The following KCNH1 variants were observed in gnomAD, a reference collection of about 807,000 sequenced individuals.
KCNH1 encodes the protein potassium voltage-gated channel subfamily H member 1, also known as voltage-gated delayed rectifier potassium channel KCNH1.
Under a neutral mutation model 69.2 loss-of-function variants are expected in KCNH1, and 27 were observed. The ratio of observed to expected loss-of-function variants is 0.39; its 90% CI spans 0.29 to 0.54. The LOEUF is 0.54. Ranked by LOEUF, KCNH1 falls within the 20% of genes least tolerant of loss-of-function variation. The pLI is 0.68. For missense variants in KCNH1, 798 were observed against 1,261.6 expected (o/e 0.63, Z 5.57); for synonymous variants, 456 against 487.7 (o/e 0.93, Z 0.86).
At chr1:210,815,799 T>A (rs947258568) in intron 7 of KCNH1, among the ~76,000 whole-genome samples, 10 of 152,152 alleles carry the variant, frequency 6.6e-5, no homozygotes, top group Non-Finnish European at 1.5e-4. Flanking sequence ...CTGGGGCGCT[T>A]TTGGCCTAGT....
At position 210,749,830 on chromosome 1, in the gene KCNH1, C is replaced by A. The variant is rs545901602; in HGVS notation, c.2112+25518G>T. ...TGATCTCATCTCATTGCGGCCTCCT[C>A]CTCCCAGGTTCAAGTGATTCTCATG... On this transcript the variant is annotated intron_variant, in intron 10 of 10. Coordinates refer to ENST00000271751, the MANE Select transcript of KCNH1 (RefSeq NM_172362.3). Among the ~76,000 whole-genome samples, 8 of 151,120 alleles carry A rather than the reference C, an allele frequency of 5.3e-5. No homozygotes were observed. The East Asian group carries it at 1.6e-3, about 29-fold the overall frequency.
Position 210,718,649 on chromosome 1 carries a change from TATACACACACACAC to T in KCNH1, c.2113-34525_2113-34512del, listed in dbSNP as rs1194246669. Among the ~76,000 whole-genome samples the T allele has an allele frequency of 7.5e-4, 54 of 72,328 alleles. 5 individuals are homozygous for T. In the South Asian group the frequency reaches 0.011, roughly 15 times the overall value. 47.4% of individuals were successfully genotyped at this position (72,328 alleles called of 152,430 possible). The stretch of plus-strand genomic sequence containing the variant: ...GTATAAATATATATATACATATATA[TATACACACACACAC>T]ACACACACACACACACACACACACA... On this transcript the variant is annotated intron_variant, in intron 10 of 10. Coordinates refer to ENST00000271751, the MANE Select transcript of KCNH1 (RefSeq NM_172362.3).
At chr1:210,778,530 C>CAA (rs10679033) in intron 9 of KCNH1, among the ~76,000 whole-genome samples, 39,456 of 122,010 alleles carry the variant, frequency 0.32, 6,347 homozygotes, top group Non-Finnish European at 0.36. Flanking sequence ...GACTCTGTCT[C>CAA]AAAAAAAAAA....
intron 8 of KCNH1, among the ~76,000 whole-genome samples, chr1:210,798,524 G>C (rs144933352): frequency 6.6e-6 from 1 of 152,236 alleles, no homozygotes; most frequent in South Asian, 2.1e-4. Context: ...ACTTTTAGGT[G>C]TAATAAGCCT....
At chr1:210,871,029 A>G (rs1022569163) in intron 7 of KCNH1, among the ~76,000 whole-genome samples, 5 of 152,278 alleles carry the variant, frequency 3.3e-5, no homozygotes, top group African/African-American at 7.2e-5. Flanking sequence ...TGGAGTGGCA[A>G]CAAAAGCCAA....
At chr1:210,742,380 T>G (rs1683051744) in intron 10 of KCNH1, among the ~76,000 whole-genome samples, 1 of 152,194 alleles carries the variant, frequency 6.6e-6, no homozygotes, top group African/African-American at 2.4e-5. Context: ...GGTTTTTATC[T>G]TTAAGTCCCC....
chr1:210,690,595 G>A lies in KCNH1; in HGVS notation c.2113-6457C>T, dbSNP rs114725516. ...AAAACAAACTGCAGATGGGCAGATA[G>A]GATGAGGCAGTTGGTTGGGTTTTAC... On this transcript the variant is annotated intron_variant, in intron 10 of 10. Coordinates refer to ENST00000271751, the MANE Select transcript of KCNH1 (RefSeq NM_172362.3). Among the ~76,000 whole-genome samples, 725 of 152,322 alleles carry A rather than the reference G, an allele frequency of 4.8e-3. 4 individuals carry two copies. Among genetic ancestry groups the A allele is most frequent in the African/African-American group, 0.016 (668 of 41,576 alleles).
At chr1:210,816,542 T>C (rs1052742252) in intron 7 of KCNH1, among the ~76,000 whole-genome samples, 1 of 152,216 alleles carries the variant, frequency 6.6e-6, no homozygotes, top group African/African-American at 2.4e-5. Flanking sequence ...CTTTTACTTA[T>C]TTTGAGCTCG....
chr1:211,102,792 C>T (rs1691282898), intron 3 of KCNH1, among the ~76,000 whole-genome samples: 1 of 152,192 alleles, frequency 6.6e-6, no homozygotes, highest in South Asian at 2.1e-4. Context: ...GTCAATCCTA[C>T]GTATAAAGAA....
At chr1:210,975,840 C>T (rs1688597588) in intron 6 of KCNH1, among the ~76,000 whole-genome samples, 2 of 152,300 alleles carry the variant, frequency 1.3e-5, no homozygotes, top group South Asian at 4.1e-4. Context: ...AAAATTTTTG[C>T]AGTCTACTCA....
At chr1:210,947,335 C>A (rs1051821068) in intron 6 of KCNH1, among the ~76,000 whole-genome samples, 1 of 151,690 alleles carries the variant, frequency 6.6e-6, no homozygotes, top group Non-Finnish European at 1.5e-5. Context: ...TTTGGGAGGC[C>A]GAGGCGGGCG....
chr1:210,787,676 G>A (rs1684130012), intron 9 of KCNH1, among the ~76,000 whole-genome samples: 1 of 152,188 alleles, frequency 6.6e-6, no homozygotes, highest in Non-Finnish European at 1.5e-5. Flanking sequence ...CAGCTACAAT[G>A]TCGGCCTCAC....
intron 7 of KCNH1, among the ~76,000 whole-genome samples, chr1:210,806,080 CT>C (rs917218182): frequency 6.6e-6 from 1 of 152,030 alleles, no homozygotes; most frequent in African/African-American, 2.4e-5. Flanking sequence ...GTGTATATAC[CT>C]AGGAGTGAAA....
chr1:211,068,497 G>A (rs1408797273), intron 5 of KCNH1, among the ~76,000 whole-genome samples: 2 of 152,118 alleles, frequency 1.3e-5, no homozygotes, highest in Non-Finnish European at 1.5e-5. Flanking sequence ...CCAGGTTCTA[G>A]TGATTCTTCT....
intron 5 of KCNH1, among the ~76,000 whole-genome samples, chr1:211,057,785 GA>G (rs200801834): frequency 2.7e-5 from 4 of 150,404 alleles, no homozygotes; most frequent in South Asian, 2.1e-4. Context: ...CGACAGATCC[GA>G]AAAAAAAAGT....
intron 6 of KCNH1, among the ~76,000 whole-genome samples, chr1:210,996,529 C>T (rs1403815034): frequency 6.6e-6 from 1 of 152,238 alleles, no homozygotes; most frequent in African/African-American, 2.4e-5. Context: ...AGGAGGCCTG[C>T]CTGCCTCTGT....
At chr1:210,847,723 AG>A (rs1391955838) in intron 7 of KCNH1, among the ~76,000 whole-genome samples, 1 of 151,994 alleles carries the variant, frequency 6.6e-6, no homozygotes, top group Non-Finnish European at 1.5e-5. Context: ...TAAAACTTAA[AG>A]TATAATAATA....
intron 5 of KCNH1, among the ~76,000 whole-genome samples, chr1:211,020,989 T>A (rs1348761233): frequency 6.6e-6 from 1 of 152,164 alleles, no homozygotes; most frequent in Non-Finnish European, 1.5e-5. Flanking sequence ...GGTACTCAAA[T>A]GCCTTACATT....
intron 5 of KCNH1, among the ~76,000 whole-genome samples, chr1:211,073,444 A>G (rs1341232037): frequency 6.6e-6 from 1 of 152,204 alleles, no homozygotes; most frequent in Non-Finnish European, 1.5e-5. Flanking sequence ...GTCACATGGA[A>G]CATTCACTAA....
Sources: allele counts gnomAD v4.1 joint callset (sites outside exome capture counted in the v4.1 genomes callset), GRCh38; gene constraint gnomAD v4.1.1; transcripts MANE v1.5; gene names NCBI Gene and HGNC (gene_info 2026-07-23, HGNC 2026-07-21).